Variants in EIPR1 observed in about 807,000 individuals in gnomAD.
EIPR1 encodes the protein EARP and GARP complex-interacting protein 1.
A neutral mutation model predicts 48.1 loss-of-function variants in EIPR1; 25 were observed. That is an observed-to-expected ratio of 0.52 (90% confidence interval 0.38 to 0.73). EIPR1 has a LOEUF of 0.73. EIPR1 is among the 30% of genes least tolerant of loss of function. The pLI is 0.00. For synonymous variants in EIPR1, 204 were observed against 201.9 expected (o/e 1.01, Z -0.09); for missense variants, 415 against 506.2 (o/e 0.82, Z 1.73).
chr2:3,363,215 C>T lies in EIPR1; in HGVS notation c.43-8582G>A, dbSNP rs192345192. Among the ~76,000 whole-genome samples the T allele has an allele frequency of 1.3e-4, 20 of 152,116 alleles. No homozygotes were observed. The East Asian group carries it at 3.1e-3, about 24-fold the overall frequency. The stretch of plus-strand genomic sequence containing the variant: ...TGAAAAGACCAGCGATCAAAAGAAA[C>T]GAGCACAGGTGCCAAACAAAGGCAC... On this transcript the variant is annotated intron_variant, in intron 1 of 8. Transcript: ENST00000382125.
At chr2:3,372,780 C>T (rs1406758274) in intron 1 of EIPR1, among the ~76,000 whole-genome samples, 2 of 152,194 alleles carry the variant, frequency 1.3e-5, no homozygotes, top group African/African-American at 2.4e-5. Flanking sequence ...GATGGATTCA[C>T]AGCCGAATTC....
At chr2:3,256,600 G>C (rs570923480) in intron 4 of EIPR1, among the ~76,000 whole-genome samples, 13 of 152,358 alleles carry the variant, frequency 8.5e-5, no homozygotes, top group African/African-American at 3.1e-4. Context: ...ATGTGTATGT[G>C]TTAATGCATT....
intron 3 of EIPR1, among the ~76,000 whole-genome samples, chr2:3,276,815 G>A (rs1169489235): frequency 2.0e-5 from 3 of 152,144 alleles, no homozygotes; most frequent in Non-Finnish European, 4.4e-5. Flanking sequence ...TTTTAATAAG[G>A]AACACAACTC....
chr2:3,353,373 A>C (rs1327051624), intron 2 of EIPR1: 4 of 461,900 alleles, frequency 8.7e-6, no homozygotes. Context: ...CACGTTGATC[A>C]TACTGTAAGC....
At chr2:3,211,557 A>C (rs533245900) in intron 5 of EIPR1, among the ~76,000 whole-genome samples, 4 of 152,130 alleles carry the variant, frequency 2.6e-5, no homozygotes, top group Non-Finnish European at 5.9e-5. Flanking sequence ...CCCCCAGCTT[A>C]TGTTTGTTTA....
At chr2:3,272,006 C>T (rs1190210574) in intron 3 of EIPR1, among the ~76,000 whole-genome samples, 1 of 152,366 alleles carries the variant, frequency 6.6e-6, no homozygotes, top group East Asian at 1.9e-4. Context: ...GCTTCTCCAT[C>T]AGCACTTGCT....
At chr2:3,280,792 C>A (rs1308471167) in intron 3 of EIPR1, among the ~76,000 whole-genome samples, 4 of 152,154 alleles carry the variant, frequency 2.6e-5, no homozygotes, top group African/African-American at 9.7e-5. Flanking sequence ...CCTTCCAGCG[C>A]ACTCAAGGAG....
chr2:3,254,488 C>T (rs1667095209), intron 4 of EIPR1, among the ~76,000 whole-genome samples: 1 of 152,178 alleles, frequency 6.6e-6, no homozygotes, highest in Non-Finnish European at 1.5e-5. Context: ...GATATCCCGC[C>T]GCAGCAAAGA....
chr2:3,199,306 ATG>A (rs1664929718), intron 5 of EIPR1, among the ~76,000 whole-genome samples: 1 of 152,106 alleles, frequency 6.6e-6, no homozygotes, highest in African/African-American at 2.4e-5. Context: ...TTTACGAACA[ATG>A]TGTGCAGTTA....
chr2:3,198,082 GC>G (rs779459714), intron 5 of EIPR1, among the ~76,000 whole-genome samples: 5 of 152,244 alleles, frequency 3.3e-5, no homozygotes, highest in Non-Finnish European at 7.3e-5. Context: ...CAGAGTGAGT[GC>G]CCACTGCATA....
intron 5 of EIPR1, among the ~76,000 whole-genome samples, chr2:3,211,359 C>T (rs575008177): frequency 8.5e-5 from 13 of 152,206 alleles, no homozygotes; most frequent in East Asian, 3.9e-4. Flanking sequence ...TTCCAAGGTG[C>T]GCCGGCAAGG....
At chr2:3,329,756 G>A (rs917731121) in intron 3 of EIPR1, among the ~76,000 whole-genome samples, 1 of 150,656 alleles carries the variant, frequency 6.6e-6, no homozygotes, top group Non-Finnish European at 1.5e-5. Context: ...ATGATCTCAG[G>A]GTATTAGCCT....
chr2:3,197,389 C>G (rs187598122), intron 5 of EIPR1, among the ~76,000 whole-genome samples: 1 of 152,212 alleles, frequency 6.6e-6, no homozygotes, highest in African/African-American at 2.4e-5. Flanking sequence ...TGAGCGGTTC[C>G]GGAATAACAA....
intron 3 of EIPR1, among the ~76,000 whole-genome samples, chr2:3,314,583 G>A (rs1238824828): frequency 6.6e-6 from 1 of 152,030 alleles, no homozygotes; most frequent in Non-Finnish European, 1.5e-5. Context: ...CAGAAGAGGA[G>A]CAGGAGCTGG....
intron 4 of EIPR1, among the ~76,000 whole-genome samples, chr2:3,232,155 G>A (rs1180404711): frequency 1.3e-5 from 2 of 152,086 alleles, no homozygotes. Context: ...TATTTCTGTG[G>A]AACCATTTAT....
chr2:3,217,173 G>A lies in EIPR1; in HGVS notation c.417-2925C>T, dbSNP rs1053726612. 8.5e-5 allele frequency among the ~76,000 whole-genome samples: 13 copies of A among 152,292 alleles called. No individual in the cohort carries two copies. The South Asian group carries it at 2.1e-3, about 24-fold the overall frequency. Reference sequence around the variant, plus strand: ...GATTAATTCAGAGCAAAATAGATTGGGGAGAAGGAAGCAAAAATACAGGAA... The same window carrying A: ...GATTAATTCAGAGCAAAATAGATTGAGGAGAAGGAAGCAAAAATACAGGAA... On this transcript the variant is annotated intron_variant, in intron 4 of 8. Coordinates refer to ENST00000382125, the MANE Select transcript of EIPR1 (RefSeq NM_003310.5).
chr2:3,335,888 T>G (rs1247031022), intron 3 of EIPR1, among the ~76,000 whole-genome samples: 1 of 152,156 alleles, frequency 6.6e-6, no homozygotes, highest in Non-Finnish European at 1.5e-5. Flanking sequence ...GTGAGTCCAT[T>G]AAACCTCTTC....
chr2:3,202,216 C>T (rs192880568), intron 5 of EIPR1, among the ~76,000 whole-genome samples: 10 of 152,338 alleles, frequency 6.6e-5, no homozygotes, highest in Admixed American at 1.3e-4. Flanking sequence ...GGATTACAGG[C>T]GTGAGCCACC....
At chr2:3,333,593 C>A (rs1350400838) in intron 3 of EIPR1, among the ~76,000 whole-genome samples, 1 of 151,834 alleles carries the variant, frequency 6.6e-6, no homozygotes, top group Non-Finnish European at 1.5e-5. Flanking sequence ...TTTTAAAAAT[C>A]AGCCAGATAT....
Sources: gnomAD v4.1 joint callset for allele counts (sites outside exome capture counted in the v4.1 genomes callset) on GRCh38, gnomAD v4.1.1 for gene constraint, MANE v1.5 for transcripts, NCBI Gene and HGNC (gene_info 2026-07-23, HGNC 2026-07-21) for gene names.